Variants in KCNIP4 observed in about 807,000 individuals in gnomAD.
KCNIP4 encodes the protein potassium voltage-gated channel interacting protein 4.
In KCNIP4, 12 loss-of-function variants were observed where a neutral mutation model predicts 34.0. The ratio of observed to expected loss-of-function variants is 0.35; its 90% CI spans 0.23 to 0.57. The LOEUF is 0.57. Ranked by LOEUF, KCNIP4 falls within the 20% of genes least tolerant of loss-of-function variation. The pLI, the probability that KCNIP4 is intolerant of heterozygous loss-of-function variation, is 0.83. For missense variants in KCNIP4, 238 were observed against 311.7 expected (o/e 0.76, Z 1.78); for synonymous variants, 124 against 102.2 (o/e 1.21, Z -1.29).
intron 1 of KCNIP4, among the ~76,000 whole-genome samples, chr4:21,037,614 A>C (rs1298273498): frequency 6.6e-6 from 1 of 152,218 alleles, no homozygotes; most frequent in Non-Finnish European, 1.5e-5. Flanking sequence ...CATTTCTTAT[A>C]ACGTATTCTC....
At chr4:20,857,045 A>T (rs776946723) in intron 2 of KCNIP4, among the ~76,000 whole-genome samples, 22 of 58,630 alleles carry the variant, frequency 3.8e-4, no homozygotes, top group Non-Finnish European at 7.8e-4. Context: ...ATGCAGTATT[A>T]AAAAAAAAAA....
chr4:21,445,505 C>G (rs1021136365), intron 1 of KCNIP4, among the ~76,000 whole-genome samples: 3 of 152,202 alleles, frequency 2.0e-5, no homozygotes, highest in Non-Finnish European at 2.9e-5. Context: ...ACAAACCTGA[C>G]AAAAACAAGC....
At chr4:21,414,708 A>G (rs1724796203) in intron 1 of KCNIP4, among the ~76,000 whole-genome samples, 1 of 152,350 alleles carries the variant, frequency 6.6e-6, no homozygotes, top group East Asian at 1.9e-4. Flanking sequence ...ATGAATAGGT[A>G]AAGAAAATGT....
intron 1 of KCNIP4, among the ~76,000 whole-genome samples, chr4:21,073,755 A>T (rs1292083134): frequency 6.6e-6 from 1 of 152,192 alleles, no homozygotes; most frequent in African/African-American, 2.4e-5. Flanking sequence ...TCCATTCAGT[A>T]TGATATTGGC....
intron 1 of KCNIP4, among the ~76,000 whole-genome samples, chr4:21,746,936 T>C (rs141861982): frequency 1.3e-5 from 2 of 152,336 alleles, no homozygotes; most frequent in African/African-American, 4.8e-5. Context: ...TATTTGTTTC[T>C]ATTTACTGGT....
chr4:21,377,959 G>T (rs570873033), intron 1 of KCNIP4, among the ~76,000 whole-genome samples: 2 of 152,290 alleles, frequency 1.3e-5, no homozygotes, highest in South Asian at 4.2e-4. Context: ...TTTGTGCGTA[G>T]TGGTGGTGGT....
At chr4:20,741,166 A>T (rs1750988780) in intron 5 of KCNIP4, among the ~76,000 whole-genome samples, 1 of 152,180 alleles carries the variant, frequency 6.6e-6, no homozygotes, top group African/African-American at 2.4e-5. Context: ...GATCAATGAG[A>T]CAGAAAGTTA....
intron 1 of KCNIP4, among the ~76,000 whole-genome samples, chr4:21,108,314 T>C (rs1748783098): frequency 1.4e-5 from 2 of 144,928 alleles, no homozygotes; most frequent in Admixed American, 6.8e-5. Context: ...TTATTTTTTC[T>C]CTAAACTTCC....
Position 21,862,514 on chromosome 4 carries a change from G to A in KCNIP4, c.61+86057C>T, listed in dbSNP as rs551718884. On this transcript the variant is annotated intron_variant, in intron 1 of 8. Transcript: ENST00000382152. ...GGAAAGGAGAATAGGGAATGCTGAT[G>A]GGTAAAAGCACAGCAGAGGGGTGGT... Among the ~76,000 whole-genome samples the A allele has an allele frequency of 1.3e-3, 192 of 152,300 alleles. 1 individual carries two copies. The highest frequency in any genetic ancestry group is 4.4e-3 in the African/African-American group (181 of 41,552).
At chr4:21,367,763 C>T (rs1389759820) in intron 1 of KCNIP4, among the ~76,000 whole-genome samples, 1 of 147,258 alleles carries the variant, frequency 6.8e-6, no homozygotes, top group African/African-American at 2.7e-5. Flanking sequence ...CTACATTTTA[C>T]CTGTCAGGGA....
chr4:20,885,157 C>T (rs899780107), intron 1 of KCNIP4, among the ~76,000 whole-genome samples: 2 of 152,166 alleles, frequency 1.3e-5, no homozygotes, highest in Non-Finnish European at 2.9e-5. Flanking sequence ...ATGATAATGG[C>T]CCTTCCCCAA....
chr4:21,201,038 G>A (rs538553932), intron 1 of KCNIP4, among the ~76,000 whole-genome samples: 1 of 152,020 alleles, frequency 6.6e-6, no homozygotes, highest in African/African-American at 2.4e-5. Flanking sequence ...AGATTCAATA[G>A]GCCAGACCTA....
At chr4:21,214,383 A>G (rs952005454) in intron 1 of KCNIP4, among the ~76,000 whole-genome samples, 1 of 152,188 alleles carries the variant, frequency 6.6e-6, no homozygotes, top group Non-Finnish European at 1.5e-5. Context: ...ACTGTGTTAT[A>G]AATGGTCCGT....
At chr4:20,916,477 G>A in intron 1 of KCNIP4, 1 of 335,490 alleles carries the variant, frequency 3.0e-6, no homozygotes, top group South Asian at 1.2e-4. Flanking sequence ...GTACCATTAT[G>A]AAGTAGAGGA....
chr4:21,270,985 C>CAAAAA (rs755171963), intron 1 of KCNIP4, among the ~76,000 whole-genome samples: 1 of 132,340 alleles, frequency 7.6e-6, no homozygotes, highest in Admixed American at 7.6e-5. Flanking sequence ...GTCCCTGTCC[C>CAAAAA]CAAAAAAAAA....
intron 1 of KCNIP4, among the ~76,000 whole-genome samples, chr4:21,016,158 G>A (rs1237858440): frequency 2.0e-5 from 3 of 151,168 alleles, no homozygotes; most frequent in East Asian, 3.9e-4. Context: ...ATTGACAGCT[G>A]ACTGCCACTC....
chr4:21,063,811 T>C (rs1368798936), intron 1 of KCNIP4, among the ~76,000 whole-genome samples: 1 of 152,018 alleles, frequency 6.6e-6, no homozygotes, highest in African/African-American at 2.4e-5. Flanking sequence ...ATTTTAGAGA[T>C]TTGAGGGGAA....
intron 1 of KCNIP4, among the ~76,000 whole-genome samples, chr4:21,304,886 A>G (rs778614058): frequency 7.2e-5 from 11 of 152,172 alleles, no homozygotes; most frequent in Non-Finnish European, 1.3e-4. Flanking sequence ...TCAATACACC[A>G]AAATATATAC....
At chr4:21,056,980 T>A (rs1196674219) in intron 1 of KCNIP4, among the ~76,000 whole-genome samples, 2 of 152,294 alleles carry the variant, frequency 1.3e-5, no homozygotes, top group East Asian at 3.9e-4. Flanking sequence ...ATTTATTGTT[T>A]GGTTACTTAT....
Sources: gnomAD v4.1 joint callset for allele counts (sites outside exome capture counted in the v4.1 genomes callset) on GRCh38, gnomAD v4.1.1 for gene constraint, MANE v1.5 for transcripts, NCBI Gene and HGNC (gene_info 2026-07-23, HGNC 2026-07-21) for gene names.